The following COL6A5 variants were observed in gnomAD, a reference collection of about 807,000 sequenced individuals.
The protein encoded by COL6A5 is collagen alpha-5(VI) chain.
Under a neutral mutation model 65.6 loss-of-function variants are expected in COL6A5, and 48 were observed. The observed-to-expected ratio is 0.73, with a 90% CI of 0.58 to 0.93. COL6A5 has a LOEUF of 0.93. COL6A5 is among the 40% of genes least tolerant of loss of function. The pLI is 0.00. For synonymous variants in COL6A5, 291 were observed against 322.8 expected (o/e 0.90, Z 1.05); for missense variants, 914 against 928.3 (o/e 0.98, Z 0.20).
chr3:130,430,739 T>C (rs908811482), upstream of COL6A5, among the ~76,000 whole-genome samples: 9 of 152,226 alleles, frequency 5.9e-5, no homozygotes, highest in African/African-American at 2.2e-4. Flanking sequence ...AAGCCAGCTT[T>C]CCTGAAGCCC....
intron 5 of COL6A5, 105 bp from the exon 6 acceptor site, chr3:130,388,475 A>C: frequency 1.0e-6 from 1 of 957,692 alleles, no homozygotes; most frequent in East Asian, 2.7e-5. Flanking sequence ...TGCCTGAGTT[A>C]ATTTTCAATG....
At chr3:130,446,143 G>C (rs561726653) in intron 4 of COL6A5, among the ~76,000 whole-genome samples, 3 of 152,210 alleles carry the variant, frequency 2.0e-5, no homozygotes, top group East Asian at 1.9e-4. Flanking sequence ...AGGCACAGAG[G>C]GGGGTATTTA....
intron 1 of COL6A5, among the ~76,000 whole-genome samples, chr3:130,357,242 G>A (rs187114701): frequency 3.3e-4 from 50 of 152,268 alleles, no homozygotes; most frequent in South Asian, 2.1e-4. Flanking sequence ...AAAATGATAG[G>A]AGGGCACATG....
intron 20 of COL6A5, 38 bp downstream of exon 20, chr3:130,410,562 C>T (rs1289534031): frequency 6.6e-7 from 1 of 1,506,474 alleles, no homozygotes; most frequent in South Asian, 1.2e-5. Flanking sequence ...CCCTCCTTGC[C>T]ACTTGAAGAT....
chr3:130,410,955 C>G (rs1161290315), intron 20 of COL6A5, among the ~76,000 whole-genome samples: 2 of 152,142 alleles, frequency 1.3e-5, no homozygotes, highest in African/African-American at 2.4e-5. Context: ...GATTTTGACA[C>G]AAAAGCTCTC....
At chr3:130,443,964 G>A (rs72493158) in intron 4 of COL6A5, among the ~76,000 whole-genome samples, 5,369 of 152,120 alleles carry the variant, frequency 0.035, 114 homozygotes, top group South Asian at 0.09. Context: ...TGCTCCATTC[G>A]GTGAAACCCT....
intron 21 of COL6A5, 84 bp downstream of exon 21, chr3:130,413,664 A>G: frequency 7.1e-7 from 1 of 1,407,522 alleles, no homozygotes; most frequent in South Asian, 1.2e-5. Flanking sequence ...GAATCATATC[A>G]ATGAGCATTT....
At chr3:130,371,624 A>G (rs1367604231) in intron 1 of COL6A5, among the ~76,000 whole-genome samples, 2 of 151,594 alleles carry the variant, frequency 1.3e-5, no homozygotes, top group African/African-American at 2.4e-5. Context: ...TTGTATATCC[A>G]CATACGAAAG....
intron 1 of COL6A5, among the ~76,000 whole-genome samples, chr3:130,356,887 C>T (rs1017296689): frequency 3.9e-5 from 6 of 152,032 alleles, no homozygotes; most frequent in African/African-American, 1.2e-4. Context: ...GCTCTTATTA[C>T]CACATAGGAA....
chr3:130,349,299 G>A (rs1934617318), intron 1 of COL6A5, among the ~76,000 whole-genome samples: 2 of 152,242 alleles, frequency 1.3e-5, no homozygotes, highest in South Asian at 2.1e-4. Flanking sequence ...GCACCGTAGT[G>A]CAATGGAAGA....
At chr3:130,471,787 T>A in intron 7 of COL6A5, 1 of 1,535,082 alleles carries the variant, frequency 6.5e-7, no homozygotes, top group Non-Finnish European at 8.7e-7. Flanking sequence ...ATCATAGTAG[T>A]GGTTCTGAGA....
chr3:130,398,264 G>A (rs1318678280), intron 10 of COL6A5, among the ~76,000 whole-genome samples, 153 bp downstream of exon 10: 1 of 151,352 alleles, frequency 6.6e-6, no homozygotes, highest in Admixed American at 6.6e-5. Context: ...CTGAGTAGCT[G>A]GGACTACAGG....
chr3:130,429,099 C>T (rs1302119022), upstream of COL6A5, among the ~76,000 whole-genome samples: 1 of 152,078 alleles, frequency 6.6e-6, no homozygotes, highest in Non-Finnish European at 1.5e-5. Context: ...TTATCAAAGA[C>T]AAAATTCACT....
chr3:130,388,632 T>C (rs1409004647), exon 6 of COL6A5: 1 of 1,550,738 alleles, frequency 6.4e-7, no homozygotes, highest in Non-Finnish European at 8.7e-7. Flanking sequence ...GTTCTTGGAG[T>C]ATAGGAAATG....
intron 1 of COL6A5, among the ~76,000 whole-genome samples, chr3:130,353,942 T>C (rs1444661075): frequency 6.6e-6 from 1 of 151,842 alleles, no homozygotes; most frequent in Non-Finnish European, 1.5e-5. Flanking sequence ...AATGTGGAAT[T>C]AGATGAAAGC....
intron 7 of COL6A5, among the ~76,000 whole-genome samples, chr3:130,478,137 C>A (rs936625200): frequency 6.6e-6 from 1 of 152,044 alleles, no homozygotes; most frequent in Non-Finnish European, 1.5e-5. Context: ...ATAATATAAC[C>A]TATGACATTG....
intron 14 of COL6A5, 127 bp downstream of exon 14, chr3:130,405,786 T>C (rs1014942519): frequency 1.5e-5 from 14 of 928,778 alleles, no homozygotes; most frequent in African/African-American, 1.2e-4. Context: ...TCCAGTTATA[T>C]AGATGAGTTT....
chr3:130,362,252 T>TTCTC lies in COL6A5; in HGVS notation c.-28-11343_-28-11340dup, dbSNP rs373519002. Among the ~76,000 whole-genome samples the TTCTC allele has an allele frequency of 6.0e-4, 69 of 114,346 alleles. 1 individual carries two copies. The highest frequency in any genetic ancestry group is 8.5e-4 in the Non-Finnish European group (50 of 58,830). 75.0% of individuals were successfully genotyped at this position (114,346 alleles called of 152,430 possible). On this transcript the variant is annotated intron_variant and NMD_transcript_variant, in intron 1 of 41. Coordinates refer to the COL6A5 transcript ENST00000312481. ...TTTTTGGGAAGGGTGTAAGGTTTCTTTCTCTCTCTCTCTCTCTCTTTGTCT... is the reference window on the plus strand; with the variant it reads ...TTTTTGGGAAGGGTGTAAGGTTTCTTTCTCTCTCTCTCTCTCTCTCTCTTTGTCT...
At chr3:130,409,262 A>C in intron 17 of COL6A5, 64 bp from the exon 18 acceptor site, 2 of 1,297,824 alleles carry the variant, frequency 1.5e-6, no homozygotes, top group African/African-American at 3.0e-5. Context: ...ACAAAACTTC[A>C]CACTTAACAC....
Sources: allele counts gnomAD v4.1 joint callset (sites outside exome capture counted in the v4.1 genomes callset), GRCh38; gene constraint gnomAD v4.1.1; transcripts MANE v1.5; gene names NCBI Gene and HGNC (gene_info 2026-07-23, HGNC 2026-07-21).